The following CALN1 variants were observed in gnomAD, a reference collection of about 807,000 sequenced individuals.
CALN1 encodes the protein calneuron 1.
Under a neutral mutation model 30.6 loss-of-function variants are expected in CALN1, and 17 were observed. That is an observed-to-expected ratio of 0.56 (90% CI 0.38 to 0.83). The LOEUF is 0.83. CALN1 is among the 40% of genes least tolerant of loss of function. The pLI is 0.00. For synonymous variants in CALN1, 156 were observed against 131.4 expected (o/e 1.19, Z -1.28); for missense variants, 291 against 354.9 (o/e 0.82, Z 1.45).
intron 2 of CALN1, among the ~76,000 whole-genome samples, chr7:72,295,654 G>A (rs1346933288): frequency 7.1e-6 from 1 of 141,610 alleles, no homozygotes; most frequent in African/African-American, 2.7e-5. Context: ...TCATGATTTG[G>A]CTCTCTGTTT....
chr7:72,408,469 A>C (rs1806857808), intron 1 of CALN1, among the ~76,000 whole-genome samples: 1 of 151,832 alleles, frequency 6.6e-6, no homozygotes, highest in South Asian at 2.1e-4. Flanking sequence ...CACAGAGATA[A>C]TAAAGACAAA....
At chr7:72,401,467 A>G (rs1806339049) in intron 2 of CALN1, among the ~76,000 whole-genome samples, 1 of 150,228 alleles carries the variant, frequency 6.7e-6, no homozygotes, top group Non-Finnish European at 1.5e-5. Context: ...ACAAAAACAG[A>G]AACATGTTCA....
At chr7:72,363,541 A>T (rs1803691607) in intron 2 of CALN1, among the ~76,000 whole-genome samples, 1 of 151,268 alleles carries the variant, frequency 6.6e-6, no homozygotes. Context: ...ACCTGGCCTA[A>T]TTTTAAAAAG....
Position 72,100,987 on chromosome 7 carries a change from G to A in CALN1, c.388+5164C>T, listed in dbSNP as rs576479714. On this transcript the variant is annotated intron_variant, in intron 4 of 6. Coordinates refer to ENST00000395275, the MANE Select transcript of CALN1 (RefSeq NM_031468.4). ...GTTTGTTTTGTTTGTTTTTTGAGACGGAGTCTTGCTTTGTCACCCAGGCTG... is the reference window on the plus strand; with the variant it reads ...GTTTGTTTTGTTTGTTTTTTGAGACAGAGTCTTGCTTTGTCACCCAGGCTG... 1.8e-4 allele frequency among the ~76,000 whole-genome samples: 28 copies of A among 151,420 alleles called. No homozygotes were observed. The South Asian group carries it at 3.1e-3, about 17-fold the overall frequency.
At chr7:72,454,415 C>T in the CALN1 span, among the ~76,000 whole-genome samples, 4 of 152,098 alleles carry the variant, frequency 2.6e-5, no homozygotes, top group African/African-American at 7.2e-5. Context: ...AAGTAATGAA[C>T]GCCCTGTCCC....
At chr7:72,034,814 A>AAAAAAAAAAAAAAAAAAAAAAAAAAAAAC (rs1371236812) in intron 4 of CALN1, among the ~76,000 whole-genome samples, 1 of 150,958 alleles carries the variant, frequency 6.6e-6, no homozygotes, top group Non-Finnish European at 1.5e-5. Context: ...AAAAAAAAAA[A>AAAAAAAAAAAAAAAAAAAAAAAAAAAAAC]AAAAAGTCTC....
At chr7:72,058,030 T>C (rs1292464929) in intron 4 of CALN1, among the ~76,000 whole-genome samples, 3 of 152,194 alleles carry the variant, frequency 2.0e-5, no homozygotes, top group Admixed American at 2.0e-4. Context: ...CAGCCCATAT[T>C]ATCCAGAATG....
At chr7:71,804,135 C>T (rs1787469605) in intron 6 of CALN1, among the ~76,000 whole-genome samples, 1 of 151,974 alleles carries the variant, frequency 6.6e-6, no homozygotes, top group Non-Finnish European at 1.5e-5. Context: ...GTCAATATTG[C>T]TCACTTAATG....
chr7:71,915,110 C>T (rs1421929865), intron 5 of CALN1, among the ~76,000 whole-genome samples: 3 of 152,158 alleles, frequency 2.0e-5, no homozygotes. Context: ...CTGGGTCTCT[C>T]CAGGTCAACG....
intron 2 of CALN1, among the ~76,000 whole-genome samples, chr7:72,339,958 G>C (rs1802304934): frequency 6.6e-6 from 1 of 152,102 alleles, no homozygotes; most frequent in Non-Finnish European, 1.5e-5. Flanking sequence ...ATTCCCTATA[G>C]TCTATCATTC....
chr7:71,832,558 T>C (rs1789352023), intron 5 of CALN1, among the ~76,000 whole-genome samples: 1 of 152,112 alleles, frequency 6.6e-6, no homozygotes, highest in Admixed American at 6.5e-5. Flanking sequence ...TGACTCTTAG[T>C]TCCTTCATCA....
chr7:71,965,222 A>T (rs1205384120), intron 5 of CALN1, among the ~76,000 whole-genome samples: 2 of 152,032 alleles, frequency 1.3e-5, no homozygotes, highest in Non-Finnish European at 2.9e-5. Context: ...ATAGAAACAG[A>T]GTCTTGTTAT....
At chr7:71,923,048 C>CTATTCTATACTATACTATACTATACT (rs60064772) in intron 5 of CALN1, among the ~76,000 whole-genome samples, 1 of 151,394 alleles carries the variant, frequency 6.6e-6, no homozygotes, top group African/African-American at 2.4e-5. Context: ...CTATACTATA[C>CTATTCTATACTATACTATACTATACT]AGCCAGCACA....
chr7:72,038,828 A>G (rs1228097728), intron 4 of CALN1, among the ~76,000 whole-genome samples: 1 of 152,222 alleles, frequency 6.6e-6, no homozygotes, highest in East Asian at 1.9e-4. Flanking sequence ...GGGTCTAAAA[A>G]GGGGAGGCAT....
chr7:71,975,545 G>A (rs1358180720), intron 5 of CALN1, among the ~76,000 whole-genome samples: 1 of 152,022 alleles, frequency 6.6e-6, no homozygotes. Context: ...TCCTGCCTCA[G>A]CCTCCACAGT....
rs115585587 is a variant in CALN1, at chr7:71,839,991, C to T, written c.502-29499G>A. 1.9e-3 allele frequency among the ~76,000 whole-genome samples: 286 copies of T among 152,252 alleles called. 1 individual carries two copies. Among genetic ancestry groups the T allele is most frequent in the African/African-American group, 6.3e-3 (263 of 41,550 alleles). ...AGAATGCAGTCTGAATGGAAGTCAG[C>T]ACTAAGGCAGGGAGAGGGGGCTCAA... is the stretch of plus-strand genomic sequence containing the variant. On this transcript the variant is annotated intron_variant, in intron 5 of 6. Coordinates refer to ENST00000395275, the MANE Select transcript of CALN1 (RefSeq NM_031468.4).
chr7:72,193,597 GTA>G (rs1483969265), intron 3 of CALN1, among the ~76,000 whole-genome samples: 1 of 152,122 alleles, frequency 6.6e-6, no homozygotes, highest in Non-Finnish European at 1.5e-5. Flanking sequence ...GGGCTAGACG[GTA>G]TATGTTATTG....
At chr7:72,078,916 G>A (rs2129538541) in intron 4 of CALN1, among the ~76,000 whole-genome samples, 1 of 152,290 alleles carries the variant, frequency 6.6e-6, no homozygotes, top group South Asian at 2.1e-4. Context: ...GTGATAGAGT[G>A]AGATTCCGTC....
At chr7:72,047,082 A>T (rs1277826965) in intron 4 of CALN1, among the ~76,000 whole-genome samples, 2 of 152,116 alleles carry the variant, frequency 1.3e-5, no homozygotes, top group African/African-American at 4.8e-5. Context: ...AATAAATAAA[A>T]ATGAAAACTA....
Sources: allele counts gnomAD v4.1 joint callset (sites outside exome capture counted in the v4.1 genomes callset), GRCh38; gene constraint gnomAD v4.1.1; transcripts MANE v1.5; gene names NCBI Gene and HGNC (gene_info 2026-07-23, HGNC 2026-07-21).